Variants in ZHX2 observed in about 807,000 individuals in gnomAD.
The protein encoded by ZHX2 is zinc fingers and homeoboxes 2.
In ZHX2, 6 loss-of-function variants were observed where a neutral mutation model predicts 21.9. That is an observed-to-expected ratio of 0.27 (90% CI 0.15 to 0.54). The LOEUF (loss-of-function observed/expected upper bound fraction) is 0.54, where lower values mean the gene tolerates loss of function less well. Ranked by LOEUF, ZHX2 falls within the 20% of genes least tolerant of loss-of-function variation. ZHX2 has a pLI of 0.95. For missense variants in ZHX2, 908 were observed against 1,090.7 expected, an observed-to-expected ratio of 0.83 and a Z score of 2.36; for synonymous variants, 434 against 437.1, an observed-to-expected ratio of 0.99 and a Z score of 0.09.
chr8:122,866,502 T>C (rs148549039), intron 2 of ZHX2, among the ~76,000 whole-genome samples: 139 of 152,296 alleles, frequency 9.1e-4, no homozygotes, highest in Admixed American at 3.9e-3. Flanking sequence ...GATAGCAGGA[T>C]TGTAATGTAA....
intron 1 of ZHX2, among the ~76,000 whole-genome samples, chr8:122,839,686 C>G (rs570567299): frequency 6.6e-6 from 1 of 152,126 alleles, no homozygotes; most frequent in Non-Finnish European, 1.5e-5. Context: ...TGTACAGTCC[C>G]CAGGATATGG....
In ZHX2 at chr8:122,864,957, G is replaced by A. The variant is rs918180062; in HGVS notation, c.-220+1418G>A. 2.0e-5 allele frequency among the ~76,000 whole-genome samples: 3 copies of A among 152,166 alleles called. 1 individual carries two copies. The highest frequency in any genetic ancestry group is 2.9e-5 in the Non-Finnish European group (2 of 68,042). ...AAATATTTACCAAGGGCCCCTGAGG[G>A]CAGGGCTCTGTGGGAGGCCAGAGAC... On this transcript the variant is annotated intron_variant, in intron 2 of 3. Coordinates refer to ENST00000314393, the MANE Select transcript of ZHX2 (RefSeq NM_014943.5).
chr8:122,908,363 C>T (rs1586378956), intron 2 of ZHX2, among the ~76,000 whole-genome samples: 1 of 152,168 alleles, frequency 6.6e-6, no homozygotes, highest in East Asian at 1.9e-4. Context: ...CCATGCCTGG[C>T]CAATTTGTTT....
intron 2 of ZHX2, among the ~76,000 whole-genome samples, chr8:122,881,793 A>G (rs746246599): frequency 1.7e-4 from 26 of 152,080 alleles, no homozygotes; most frequent in Non-Finnish European, 3.8e-4. Flanking sequence ...TTTCCAAGCT[A>G]CTTGACTTTC....
rs142356805 is a variant in ZHX2, at chr8:122,806,714, G to A, written c.-283+24768G>A. 2.1e-3 allele frequency among the ~76,000 whole-genome samples: 324 copies of A among 152,314 alleles called. 1 individual carries two copies. The Middle Eastern group carries it at 0.041, about 19-fold the overall frequency. Reference sequence around the variant, plus strand: ...TCAAGTGAGGTGTAGTTGTAGGAGAGTGACTGTCCCATTTGACACTGAAGA... The same window carrying A: ...TCAAGTGAGGTGTAGTTGTAGGAGAATGACTGTCCCATTTGACACTGAAGA... On this transcript the variant is annotated intron_variant, in intron 1 of 3. Transcript: ENST00000314393.
chr8:122,829,565 G>T (rs568851703), intron 1 of ZHX2, among the ~76,000 whole-genome samples: 11 of 152,336 alleles, frequency 7.2e-5, no homozygotes, highest in African/African-American at 2.6e-4. Context: ...CCACCTCATT[G>T]TAAGAGTTGG....
chr8:122,882,506 T>C (rs1586357419), intron 2 of ZHX2, among the ~76,000 whole-genome samples: 1 of 152,058 alleles, frequency 6.6e-6, no homozygotes, highest in East Asian at 1.9e-4. Flanking sequence ...TAACGAAATA[T>C]ACAGAATTGG....
At chr8:122,897,824 A>C (rs1820136658) in intron 2 of ZHX2, among the ~76,000 whole-genome samples, 1 of 152,206 alleles carries the variant, frequency 6.6e-6, no homozygotes, top group African/African-American at 2.4e-5. Flanking sequence ...AGGGTCACAC[A>C]GGGACAAATC....
chr8:122,830,093 G>A (rs1055504802), intron 1 of ZHX2, among the ~76,000 whole-genome samples: 8 of 152,204 alleles, frequency 5.3e-5, no homozygotes, highest in African/African-American at 1.4e-4. Context: ...AGCGTGTGCC[G>A]ACAGACAACA....
chr8:122,892,600 C>T (rs6980659), intron 2 of ZHX2, among the ~76,000 whole-genome samples: 87,960 of 151,998 alleles, frequency 0.58, 26,274 homozygotes, highest in African/African-American at 0.72. Flanking sequence ...GTGACTTTTA[C>T]ACTTTTGTGT....
At chr8:122,914,240 C>T (rs1394591979) in intron 2 of ZHX2, among the ~76,000 whole-genome samples, 1 of 152,246 alleles carries the variant, frequency 6.6e-6, no homozygotes, top group Non-Finnish European at 1.5e-5. Context: ...CTGATCCTGG[C>T]AGCCCATGCT....
chr8:122,972,323 A>G (rs1421977472), intron 3 of ZHX2, among the ~76,000 whole-genome samples: 2 of 152,246 alleles, frequency 1.3e-5, no homozygotes, highest in African/African-American at 2.4e-5. Context: ...CATTCCACCT[A>G]TAATAAGGTC....
At chr8:122,882,972 A>T (rs1243641787) in intron 2 of ZHX2, among the ~76,000 whole-genome samples, 1 of 151,840 alleles carries the variant, frequency 6.6e-6, no homozygotes, top group Non-Finnish European at 1.5e-5. Context: ...GCAGAGTGAG[A>T]CTCTGTCCCC....
intron 1 of ZHX2, among the ~76,000 whole-genome samples, chr8:122,786,536 A>G (rs1817398687): frequency 6.6e-6 from 1 of 152,236 alleles, no homozygotes; most frequent in Non-Finnish European, 1.5e-5. Context: ...GAAAGTTGTA[A>G]AAAGGCTTAG....
chr8:122,916,356 G>A (rs1820602067), intron 2 of ZHX2, among the ~76,000 whole-genome samples: 1 of 152,228 alleles, frequency 6.6e-6, no homozygotes, highest in Non-Finnish European at 1.5e-5. Context: ...AGAGGACCAG[G>A]TTAAGAGGGG....
At chr8:122,928,264 G>A (rs560049962) in intron 2 of ZHX2, among the ~76,000 whole-genome samples, 1 of 152,292 alleles carries the variant, frequency 6.6e-6, no homozygotes, top group Admixed American at 6.5e-5. Flanking sequence ...CGACAACCTT[G>A]CTTTTGAGAA....
intron 1 of ZHX2, among the ~76,000 whole-genome samples, chr8:122,842,951 G>A (rs7826099): frequency 1.3e-5 from 2 of 152,360 alleles, no homozygotes; most frequent in African/African-American, 4.8e-5. Flanking sequence ...TGGGGCAGGT[G>A]AGGCCCCCAA....
intron 2 of ZHX2, among the ~76,000 whole-genome samples, chr8:122,919,961 AT>A (rs1820698473): frequency 6.6e-6 from 1 of 152,154 alleles, no homozygotes; most frequent in Non-Finnish European, 1.5e-5. Flanking sequence ...TATTCTTACA[AT>A]TTGCATGTTT....
intron 1 of ZHX2, among the ~76,000 whole-genome samples, chr8:122,792,968 G>A (rs1817548018): frequency 6.6e-6 from 1 of 152,180 alleles, no homozygotes; most frequent in Non-Finnish European, 1.5e-5. Flanking sequence ...TGTTGTGGGG[G>A]TGAACACAGA....
Sources: allele counts gnomAD v4.1 joint callset (sites outside exome capture counted in the v4.1 genomes callset), GRCh38; gene constraint gnomAD v4.1.1; transcripts MANE v1.5; gene names NCBI Gene and HGNC (gene_info 2026-07-23, HGNC 2026-07-21).